DLG2: variants seen among roughly 807,000 people sequenced by gnomAD.
The protein encoded by DLG2 is disks large homolog 2.
In DLG2, 45 loss-of-function variants were observed where a neutral mutation model predicts 132.5. The observed-to-expected ratio is 0.34, with a 90% confidence interval of 0.27 to 0.44. The LOEUF (loss-of-function observed/expected upper bound fraction) is 0.44. Among genes scored for constraint, DLG2 ranks in the 20% least tolerant of loss-of-function variants. The probability of loss-of-function intolerance (pLI) is 1.00; values close to 1 mark genes in which losing one functional copy is unlikely to be tolerated. For synonymous variants in DLG2, 424 were observed against 419.6 expected (o/e 1.01, Z -0.13); for missense variants, 1,045 against 1,196.9 (o/e 0.87, Z 1.87).
intron 18 of DLG2, among the ~76,000 whole-genome samples, chr11:83,648,929 A>T (rs1369886785): frequency 6.6e-6 from 1 of 152,190 alleles, no homozygotes; most frequent in Non-Finnish European, 1.5e-5. Flanking sequence ...CAGCTTCTCA[A>T]GGCCAAAGAT....
intron 10 of DLG2, among the ~76,000 whole-genome samples, chr11:84,090,025 C>A (rs532220956): frequency 1.7e-4 from 26 of 152,288 alleles, no homozygotes; most frequent in Non-Finnish European, 2.9e-4. Flanking sequence ...AATTCAAATA[C>A]AAGTGAAGAA....
In DLG2 at chr11:83,503,356, C is replaced by T. The variant is rs942856664; in HGVS notation, c.2194-19128G>A. 8.9e-5 allele frequency among the ~76,000 whole-genome samples: 8 copies of T among 89,908 alleles called. No individual in the cohort carries two copies. In the South Asian group the frequency reaches 1.2e-3, roughly 13 times the overall value. 59.0% of individuals were successfully genotyped at this position (89,908 alleles called of 152,430 possible). On this transcript the variant is annotated intron_variant, in intron 21 of 27. Transcript: ENST00000376104. ...GGATATATATATTTATATATATACA[C>T]ACACACACCCATTTATATATATATA... is the stretch of plus-strand genomic sequence containing the variant.
chr11:84,592,834 A>G (rs2099546769), intron 6 of DLG2, among the ~76,000 whole-genome samples: 1 of 148,446 alleles, frequency 6.7e-6, no homozygotes, highest in South Asian at 2.2e-4. Context: ...ACAGGATTAC[A>G]GGCCTGTAAT....
chr11:84,508,202 C>T lies in DLG2; in HGVS notation c.519+26368G>A, dbSNP rs147186760. 9.1e-3 allele frequency among the ~76,000 whole-genome samples: 1,391 copies of T among 152,222 alleles called. 12 individuals carry two copies. The highest frequency in any genetic ancestry group is 0.015 in the Non-Finnish European group (1,027 of 68,006). On this transcript the variant is annotated intron_variant, in intron 7 of 27. Coordinates refer to ENST00000376104, the MANE Select transcript of DLG2 (RefSeq NM_001142699.3). ...TTTAACTTCCACAGTACCTTTATAACCTCACTTCCTACTACTTTGTCTTCT... is the reference window on the plus strand; with the variant it reads ...TTTAACTTCCACAGTACCTTTATAATCTCACTTCCTACTACTTTGTCTTCT...
intron 6 of DLG2, among the ~76,000 whole-genome samples, chr11:84,681,726 G>A (rs1461008088): frequency 6.6e-6 from 1 of 151,828 alleles, no homozygotes; most frequent in African/African-American, 2.4e-5. Context: ...GGCTAGTAAG[G>A]GCAATTAAAG....
intron 7 of DLG2, among the ~76,000 whole-genome samples, chr11:84,474,860 G>T (rs1567728565): frequency 6.6e-6 from 1 of 151,954 alleles, no homozygotes; most frequent in Non-Finnish European, 1.5e-5. Context: ...TCAAAGGGAG[G>T]TCATATTAAC....
At chr11:85,368,285 G>A (rs986045840) in intron 3 of DLG2, among the ~76,000 whole-genome samples, 2 of 152,178 alleles carry the variant, frequency 1.3e-5, no homozygotes, top group African/African-American at 4.8e-5. Context: ...CAAACGTGAG[G>A]TTGCATTCTT....
chr11:85,448,195 A>G (rs1025980656), intron 3 of DLG2, among the ~76,000 whole-genome samples: 1 of 152,206 alleles, frequency 6.6e-6, no homozygotes, highest in Non-Finnish European at 1.5e-5. Context: ...TAGCAATCTA[A>G]AAAGCCCTAT....
At chr11:85,498,482 G>T (rs2093720484) in intron 3 of DLG2, among the ~76,000 whole-genome samples, 2 of 152,088 alleles carry the variant, frequency 1.3e-5, no homozygotes, top group African/African-American at 2.4e-5. Flanking sequence ...ATAATAATGG[G>T]AGACTTTAAC....
At chr11:83,595,393 T>C (rs998257738) in intron 19 of DLG2, among the ~76,000 whole-genome samples, 1 of 152,262 alleles carries the variant, frequency 6.6e-6, no homozygotes, top group Non-Finnish European at 1.5e-5. Context: ...TAACTTACTG[T>C]GTTCCAGGCA....
At chr11:84,637,039 C>A (rs1037424391) in intron 6 of DLG2, among the ~76,000 whole-genome samples, 1 of 151,860 alleles carries the variant, frequency 6.6e-6, no homozygotes, top group Admixed American at 6.6e-5. Context: ...CTGCCCATGT[C>A]GGCCTCCCAG....
intron 17 of DLG2, among the ~76,000 whole-genome samples, chr11:83,796,841 A>G (rs2042940644): frequency 6.6e-6 from 1 of 152,242 alleles, no homozygotes; most frequent in Non-Finnish European, 1.5e-5. Context: ...TTGTCAAGCA[A>G]TGTGCTGTTC....
chr11:85,215,549 A>G (rs909857111), intron 4 of DLG2, among the ~76,000 whole-genome samples: 8 of 152,196 alleles, frequency 5.3e-5, no homozygotes, highest in African/African-American at 1.9e-4. Context: ...AAGGAAGGGC[A>G]AGATGATTTT....
intron 23 of DLG2, 41 bp downstream of exon 23, chr11:83,472,686 T>A (rs1330044573): frequency 6.3e-7 from 1 of 1,586,868 alleles, no homozygotes; most frequent in Non-Finnish European, 8.6e-7. Flanking sequence ...TCACCTCTTA[T>A]GGCCCAGAAA....
intron 7 of DLG2, among the ~76,000 whole-genome samples, chr11:84,480,554 A>T (rs982717583): frequency 1.3e-5 from 2 of 152,126 alleles, no homozygotes; most frequent in African/African-American, 4.8e-5. Flanking sequence ...AGAAAAAAAG[A>T]AAGAAAAAAA....
chr11:84,450,532 A>C lies in DLG2; in HGVS notation c.519+84038T>G, dbSNP rs534686733. 1.4e-4 allele frequency among the ~76,000 whole-genome samples: 22 copies of C among 151,906 alleles called. No individual in the cohort carries two copies. In the East Asian group the frequency reaches 4.3e-3, roughly 29 times the overall value. On this transcript the variant is annotated intron_variant, in intron 7 of 27. Coordinates refer to ENST00000376104, the MANE Select transcript of DLG2 (RefSeq NM_001142699.3). ...TACCCATAATTAGACAATGTCAATAAATGTTTAATCATGACAAACATGGTC... is the reference window on the plus strand; with the variant it reads ...TACCCATAATTAGACAATGTCAATACATGTTTAATCATGACAAACATGGTC...
intron 5 of DLG2, among the ~76,000 whole-genome samples, chr11:85,116,563 T>A (rs148323038): frequency 6.6e-6 from 1 of 151,844 alleles, no homozygotes; most frequent in African/African-American, 2.4e-5. Flanking sequence ...AAAATAAAGG[T>A]TTTCATTGAA....
At chr11:85,609,540 T>C (rs911745260) in intron 2 of DLG2, among the ~76,000 whole-genome samples, 1 of 152,142 alleles carries the variant, frequency 6.6e-6, no homozygotes, top group Non-Finnish European at 1.5e-5. Flanking sequence ...AAGGACACTT[T>C]AAAAAAGATT....
chr11:84,949,841 G>A (rs768545911), intron 6 of DLG2, among the ~76,000 whole-genome samples: 7 of 152,030 alleles, frequency 4.6e-5, no homozygotes, highest in African/African-American at 1.5e-4. Context: ...CTCCTCAACC[G>A]ACAGGATTAA....
Sources: allele counts gnomAD v4.1 joint callset (sites outside exome capture counted in the v4.1 genomes callset), GRCh38; gene constraint gnomAD v4.1.1; transcripts MANE v1.5; gene names NCBI Gene and HGNC (gene_info 2026-07-23, HGNC 2026-07-21).